ZNF324: variants seen among roughly 807,000 people sequenced by gnomAD.
ZNF324 encodes zinc finger protein 324A.
Under a neutral mutation model 10.3 loss-of-function variants are expected in ZNF324, and 3 were observed. The ratio of observed to expected loss-of-function variants is 0.29; its 90% CI spans 0.13 to 0.75. The LOEUF (loss-of-function observed/expected upper bound fraction) is 0.75. ZNF324 is among the 30% of genes least tolerant of loss of function. ZNF324 has a pLI of 0.69. For synonymous variants in ZNF324, 430 were observed against 339.5 expected, an observed-to-expected ratio of 1.27 and a Z score of -2.93; for missense variants, 763 against 784.4, an observed-to-expected ratio of 0.97 and a Z score of 0.33.
Position 58,471,815 on chromosome 19 carries a change from C to T in ZNF324, c.1323C>T (p.Thr441=). ...GRAFSHSSNL[T]QHQLLHTGER... is the part of the protein sequence containing the mutation. ...CCTTTAGCCACAGCTCCAACCTCAC[C>T]CAGCACCAGCTCCTGCACACGGGCG... The change falls in exon 4 of 4, where the codon ACC becomes ACT. Residue 441 remains threonine, a synonymous_variant. Coordinates refer to ENST00000196482, the MANE Select transcript of ZNF324 (RefSeq NM_014347.3). 6.2e-7 allele frequency: 1 copy of T among 1,613,162 alleles called. No homozygotes were observed. The highest frequency in any genetic ancestry group is 2.2e-5 in the East Asian group (1 of 44,880).
intron 1 of ZNF324, among the ~76,000 whole-genome samples, chr19:58,468,876 A>G (rs1028404952): frequency 6.6e-6 from 1 of 152,154 alleles, no homozygotes; most frequent in Non-Finnish European, 1.5e-5. Flanking sequence ...TCTGAGGGAC[A>G]TCATGGAAGG....
rs748729840 is a variant in ZNF324, at chr19:58,470,927, G to A, written c.435G>A (p.Glu145=). The A allele has an allele frequency of 4.3e-6, 7 of 1,614,268 alleles. No individual in the cohort carries two copies. The highest frequency in any genetic ancestry group is 5.9e-6 in the Non-Finnish European group (7 of 1,180,056). The change falls in exon 4 of 4, where the codon GAG becomes GAA. Residue 145 remains glutamate, a synonymous_variant. Transcript: ENST00000196482. ...CGGGGGTGTCGGTGATCTACTGGGAGAGGCTCCTGCTAGGCTCAGGCAGTG... is the reference window on the plus strand; with the variant it reads ...CGGGGGTGTCGGTGATCTACTGGGAAAGGCTCCTGCTAGGCTCAGGCAGTG... ...KPTGVSVIYW[E]RLLLGSGSGQ...
Position 58,471,554 on chromosome 19 carries a change from C to T in ZNF324, c.1062C>T (p.Ser354=), listed in dbSNP as rs756198845. Residue 354 remains serine, a synonymous_variant, in exon 4 of 4, where the codon TCC becomes TCT. Coordinates refer to ENST00000196482, the MANE Select transcript of ZNF324 (RefSeq NM_014347.3). ...GCGGCAAGGCCTTCAGCCACGGCTC[C>T]AACCTCAGCCAGCACCGCAAGATCC... is the stretch of plus-strand genomic sequence containing the variant. ...SECGKAFSHG[S]NLSQHRKIHA... The T allele has an allele frequency of 1.0e-5, 16 of 1,583,452 alleles. No individual in the cohort carries two copies. Among genetic ancestry groups the T allele is most frequent in the African/African-American group, 1.3e-5 (1 of 74,290 alleles).
Position 58,472,051 on chromosome 19 carries a change from C to A in ZNF324, c.1559C>A (p.Ala520Asp). Residue 520 changes from alanine to aspartate, a missense_variant, in exon 4 of 4, where the codon GCC (alanine) becomes GAC (aspartate). This residue lies in a region of ZNF324 where 231 missense variants were observed against 196.0 expected (regional missense o/e 1.18). Transcript: ENST00000196482. ...TCCAGGGCCAGCCTGCACCCCCAGG[C>A]CAGGTCTGTTGCCGGGGCATCATCA... ...RRSRASLHPQ[A>D]RSVAGASSEG... 6.2e-7 allele frequency: 1 copy of A among 1,605,760 alleles called. No homozygotes were observed. The highest frequency in any genetic ancestry group is 1.3e-5 in the African/African-American group (1 of 75,038).
At chr19:58,469,059 A>T in intron 1 of ZNF324, 121 bp from the exon 2 acceptor site, 3 of 1,143,006 alleles carry the variant, frequency 2.6e-6, no homozygotes, top group Non-Finnish European at 3.8e-6. Context: ...AGCTGTTATT[A>T]GTGTTAATGT....
chr19:58,470,334 G>A (rs2053017100), intron 3 of ZNF324, among the ~76,000 whole-genome samples: 2 of 151,296 alleles, frequency 1.3e-5, no homozygotes, highest in South Asian at 4.2e-4. Flanking sequence ...CTAGAGCACT[G>A]GATGGAGGTC....
In ZNF324 at chr19:58,472,038, C is replaced by T. The variant is rs138554661; in HGVS notation, c.1546C>T (p.Leu516=). The change falls in exon 4 of 4, where the codon CTG becomes TTG. Residue 516 remains leucine, a synonymous_variant. Coordinates refer to ENST00000196482, the MANE Select transcript of ZNF324 (RefSeq NM_014347.3). ...EKTVRRSRAS[L]HPQARSVAGA... ...GACCGTCCGGCGATCCAGGGCCAGC[C>T]TGCACCCCCAGGCCAGGTCTGTTGC... 3 of 1,606,818 alleles carry T rather than the reference C, an allele frequency of 1.9e-6. No individual in the cohort carries two copies. The highest frequency in any genetic ancestry group is 2.7e-5 in the African/African-American group (2 of 74,934).
In ZNF324 at chr19:58,469,185, G is replaced by C. The variant is rs1468175054; in HGVS notation, c.-1G>C. 6.2e-7 allele frequency: 1 copy of C among 1,614,200 alleles called. No homozygotes were observed. Among genetic ancestry groups the C allele is most frequent in the Middle Eastern group, 1.6e-4 (1 of 6,062 alleles). On this transcript the variant is annotated 5_prime_UTR_variant, in exon 2 of 4. Coordinates refer to ENST00000196482, the MANE Select transcript of ZNF324 (RefSeq NM_014347.3). Reference sequence around the variant, plus strand: ...CTTCCTCCCTGCTCTTTTAGGACCAGATGGCCTTTGAGGATGTGGCTGTGT... The same window carrying C: ...CTTCCTCCCTGCTCTTTTAGGACCACATGGCCTTTGAGGATGTGGCTGTGT...
rs1325096613 is a variant in ZNF324 at position 58,474,148 on chromosome 19, A to C, written c.*1994A>C. On this transcript the variant is annotated 3_prime_UTR_variant, in exon 4 of 4. Transcript: ENST00000196482. ...CCTGCAGGGAGTGGAGACACACAGA[A>C]CCTAGCTCCCCTGGAGCCTGCAAGA... The C allele has an allele frequency of 6.6e-6, 1 of 152,298 alleles. No individual in the cohort carries two copies. Among genetic ancestry groups the C allele is most frequent in the Admixed American group, 6.5e-5 (1 of 15,290 alleles). 9.4% of individuals were successfully genotyped at this position (152,298 alleles called of 1,614,324 possible). A position where few individuals can be genotyped will look rare whatever the true frequency, so the allele number is the denominator to read the frequency against.
In ZNF324 at chr19:58,473,268, G is replaced by A. The variant is rs901227917; in HGVS notation, c.*1114G>A. On this transcript the variant is annotated 3_prime_UTR_variant, in exon 4 of 4. Transcript: ENST00000196482. ...AAGGCTATGTGTGACACCCTCCTGA[G>A]GACCTCCCCACCCCAGTGTAATGGC... 2.0e-5 allele frequency: 3 copies of A among 152,584 alleles called. No individual in the cohort carries two copies. The highest frequency in any genetic ancestry group is 7.2e-5 in the African/African-American group (3 of 41,394). 9.5% of individuals were successfully genotyped at this position (152,584 alleles called of 1,614,324 possible).
chr19:58,472,074 T>G lies in ZNF324; in HGVS notation c.1582T>G (p.Ser528Ala), dbSNP rs113119239. The change falls in exon 4 of 4, where the codon TCA becomes GCA. Residue 528 changes from serine to alanine, a missense_variant. Coordinates refer to ENST00000196482, the MANE Select transcript of ZNF324 (RefSeq NM_014347.3). ...PQARSVAGAS[S>A]EGAPAKETEP... ...GGCCAGGTCTGTTGCCGGGGCATCA[T>G]CAGAAGGTGCGCCAGCGAAGGAAAC... 6.2e-7 allele frequency: 1 copy of G among 1,603,070 alleles called. No homozygotes were observed. Among genetic ancestry groups the G allele is most frequent in the African/African-American group, 1.3e-5 (1 of 74,988 alleles).
At chr19:58,468,808 G>A (rs1264849923) in intron 1 of ZNF324, among the ~76,000 whole-genome samples, 1 of 152,176 alleles carries the variant, frequency 6.6e-6, no homozygotes, top group East Asian at 1.9e-4. Context: ...TCCCAGACAT[G>A]TGAGGGAAGT....
rs139513323 is a variant in ZNF324, at chr19:58,469,173, C to G, written c.-6-7C>G. On this transcript the variant is annotated splice_region_variant and splice_polypyrimidine_tract_variant and intron_variant, in intron 1 of 3. Transcript: ENST00000196482. ...CCATGGCTGTCTCTTCCTCCCTGCT[C>G]TTTTAGGACCAGATGGCCTTTGAGG... 1.5e-5 allele frequency: 25 copies of G among 1,614,204 alleles called. No homozygotes were observed. The highest frequency in any genetic ancestry group is 2.1e-5 in the Non-Finnish European group (25 of 1,180,030).
rs2053039674 is a variant in ZNF324, at chr19:58,472,026, T to C, written c.1534T>C (p.Ser512Pro). The C allele has an allele frequency of 1.2e-6, 2 of 1,607,046 alleles. No individual in the cohort carries two copies. Among genetic ancestry groups the C allele is most frequent in the Non-Finnish European group, 1.7e-6 (2 of 1,179,704 alleles). The change falls in exon 4 of 4, where the codon TCC (serine) becomes CCC (proline). Residue 512 changes from serine (S) to proline (P), a missense_variant. Ser to Pro is a moderately conservative substitution (Grantham distance 74). Around this residue, in one of 3 missense-constraint regions of ZNF324, gnomAD observed 231 missense variants for 196.0 expected, o/e 1.18. Coordinates refer to ENST00000196482, the MANE Select transcript of ZNF324 (RefSeq NM_014347.3). ...TACCGGCGAGAAGACCGTCCGGCGA[T>C]CCAGGGCCAGCCTGCACCCCCAGGC... ...IHTGEKTVRR[S>P]RASLHPQARS... is the part of the protein sequence containing the mutation.
chr19:58,469,191 C>T lies in ZNF324; in HGVS notation c.6C>T (p.Ala2=), dbSNP rs1157503969. The change falls in exon 2 of 4, where the codon GCC becomes GCT. Residue 2 remains alanine (A), a synonymous_variant. Coordinates refer to ENST00000196482, the MANE Select transcript of ZNF324 (RefSeq NM_014347.3). Reference sequence around the variant, plus strand: ...CCCTGCTCTTTTAGGACCAGATGGCCTTTGAGGATGTGGCTGTGTACTTCT... The same window carrying T: ...CCCTGCTCTTTTAGGACCAGATGGCTTTTGAGGATGTGGCTGTGTACTTCT... The part of the protein sequence containing the change: M[A]FEDVAVYFSQ... 8.1e-6 allele frequency: 13 copies of T among 1,614,070 alleles called. No homozygotes were observed. The highest frequency in any genetic ancestry group is 1.3e-5 in the African/African-American group (1 of 74,928).
Position 58,472,451 on chromosome 19 carries a change from C to T in ZNF324, c.*297C>T, listed in dbSNP as rs2053045578. 1 of 430,018 alleles carries T rather than the reference C, an allele frequency of 2.3e-6. No homozygotes were observed. Among genetic ancestry groups the T allele is most frequent in the Non-Finnish European group, 4.2e-6 (1 of 239,350 alleles). The allele number at this position is 430,018 out of a possible 1,614,324, so 26.6% of individuals were successfully genotyped here. ...TAGGAGGCCGACAGTCACAGCACTGCACTGTGGTGCGGCTTCATGTGATAT... is the reference window on the plus strand; with the variant it reads ...TAGGAGGCCGACAGTCACAGCACTGTACTGTGGTGCGGCTTCATGTGATAT... On this transcript the variant is annotated 3_prime_UTR_variant, in exon 4 of 4. Transcript: ENST00000196482.
At position 58,472,211 on chromosome 19, in the gene ZNF324, T is replaced by TGTCCTCTGCAGATCC; in HGVS notation, c.*58_*72dup. 6.8e-7 allele frequency: 1 copy of TGTCCTCTGCAGATCC among 1,471,988 alleles called. No individual in the cohort carries two copies. The highest frequency in any genetic ancestry group is 9.1e-7 in the Non-Finnish European group (1 of 1,104,108). 91.2% of individuals were successfully genotyped at this position (1,471,988 alleles called of 1,614,324 possible). On this transcript the variant is annotated 3_prime_UTR_variant, in exon 4 of 4. Coordinates refer to ENST00000196482, the MANE Select transcript of ZNF324 (RefSeq NM_014347.3). ...ATCCCTTCCACAGCTAAAGGGCATA[T>TGTCCTCTGCAGATCC]GTCCTCTGCAGATCCACAGCAGAGA...
Position 58,471,860 on chromosome 19 carries a change from G to T in ZNF324, c.1368G>T (p.Val456=), listed in dbSNP as rs1232449368. 1 of 1,612,396 alleles carries T rather than the reference G, an allele frequency of 6.2e-7. No homozygotes were observed. Among genetic ancestry groups the T allele is most frequent in the Non-Finnish European group, 8.5e-7 (1 of 1,179,796 alleles). The change falls in exon 4 of 4, where the codon GTG becomes GTT. Residue 456 remains valine (V), a synonymous_variant. Transcript: ENST00000196482. ...LHTGERPFRC[V]DCGKAFAKGA... ...CGGGCGAGCGGCCCTTCCGCTGCGT[G>T]GACTGTGGCAAGGCCTTCGCCAAGG...
intron 3 of ZNF324, chr19:58,470,393 C>A: frequency 3.7e-6 from 1 of 270,952 alleles, no homozygotes. Flanking sequence ...GGGACAGGGG[C>A]GGGGGGAAGG....
Sources: gnomAD v4.1 joint callset for allele counts (sites outside exome capture counted in the v4.1 genomes callset) on GRCh38, gnomAD v4.1.1 for gene constraint, gnomAD v4.1.1 regional missense constraint, MANE v1.5 for transcripts, NCBI Gene and HGNC (gene_info 2026-07-23, HGNC 2026-07-21) for gene names.